Variants in NUDCD3 observed in about 807,000 individuals in gnomAD.
NUDCD3 encodes NudC domain containing 3.
NUDCD3 carries 13 observed loss-of-function variants against 39.7 expected under a neutral mutation model. The observed-to-expected ratio is 0.33, with a 90% CI of 0.21 to 0.52. NUDCD3 has a LOEUF of 0.52. Ranked by LOEUF, NUDCD3 falls within the 20% of genes least tolerant of loss-of-function variation. NUDCD3 has a pLI of 0.96. For synonymous variants in NUDCD3, 175 were observed against 172.4 expected (o/e 1.02, Z -0.12); for missense variants, 453 against 458.1 (o/e 0.99, Z 0.10).
At chr7:44,388,260 G>A (rs184134631) in intron 5 of NUDCD3, among the ~76,000 whole-genome samples, 1 of 152,338 alleles carries the variant, frequency 6.6e-6, no homozygotes, top group East Asian at 1.9e-4. Flanking sequence ...GACGTGAACG[G>A]CAGATGGAGG....
rs1280496408 is a variant in NUDCD3, at chr7:44,384,833, CAGGCCTG to C, written c.*1171_*1177del. 2 of 152,262 alleles carry C rather than the reference CAGGCCTG, an allele frequency of 1.3e-5. No homozygotes were observed. The highest frequency in any genetic ancestry group is 2.4e-5 in the African/African-American group (1 of 41,472). 9.4% of individuals were successfully genotyped at this position (152,262 alleles called of 1,614,324 possible). ...AGAGCCCCTGTGAGTACTTGGAACA[CAGGCCTG>C]AGGACCTGTCTCATAATCTCGTCTT... On this transcript the variant is annotated 3_prime_UTR_variant, in exon 6 of 6. Transcript: ENST00000355451.
intron 3 of NUDCD3, among the ~76,000 whole-genome samples, chr7:44,405,038 A>G (rs1798793011): frequency 6.6e-6 from 1 of 152,180 alleles, no homozygotes; most frequent in Non-Finnish European, 1.5e-5. Flanking sequence ...TCACCCCAGG[A>G]CTGCTGTACA....
intron 2 of NUDCD3, among the ~76,000 whole-genome samples, chr7:44,463,581 A>G (rs1800059390): frequency 6.6e-6 from 1 of 152,200 alleles, no homozygotes; most frequent in African/African-American, 2.4e-5. Flanking sequence ...GAGTTAGTAA[A>G]GACACAAGAC....
At chr7:44,388,361 G>C (rs1300380806) in intron 5 of NUDCD3, among the ~76,000 whole-genome samples, 4 of 152,206 alleles carry the variant, frequency 2.6e-5, no homozygotes, top group African/African-American at 9.7e-5. Context: ...TAACTCTCAC[G>C]ATAGTCTCTC....
chr7:44,421,327 C>T (rs1204512627), intron 3 of NUDCD3, among the ~76,000 whole-genome samples: 11 of 90,528 alleles, frequency 1.2e-4, no homozygotes, highest in Admixed American at 2.5e-4. Flanking sequence ...AGCAAGACTC[C>T]GTCTAAAAAA....
chr7:44,462,740 A>C (rs1800040458), intron 2 of NUDCD3, among the ~76,000 whole-genome samples: 1 of 152,200 alleles, frequency 6.6e-6, no homozygotes, highest in Admixed American at 6.5e-5. Flanking sequence ...AAGCTGTTTA[A>C]CATTCTTCTG....
intron 3 of NUDCD3, among the ~76,000 whole-genome samples, chr7:44,406,865 G>C (rs1271848533): frequency 3.3e-5 from 5 of 152,188 alleles, no homozygotes; most frequent in Non-Finnish European, 7.3e-5. Flanking sequence ...AAATCCTATA[G>C]GGTAGGAGAC....
At chr7:44,389,090 C>G (rs1798459460) in intron 5 of NUDCD3, among the ~76,000 whole-genome samples, 1 of 152,258 alleles carries the variant, frequency 6.6e-6, no homozygotes, top group African/African-American at 2.4e-5. Flanking sequence ...AAGAGGACAC[C>G]AACAGGATGA....
At chr7:44,454,293 C>G (rs967696525) in intron 2 of NUDCD3, among the ~76,000 whole-genome samples, 10 of 152,148 alleles carry the variant, frequency 6.6e-5, no homozygotes, top group African/African-American at 2.4e-4. Flanking sequence ...GAGCTGAGAT[C>G]GAGCCACTGC....
In NUDCD3 at chr7:44,424,974, G is replaced by A. The variant is rs1043683560; in HGVS notation, c.642+2597C>T. 3.9e-5 allele frequency among the ~76,000 whole-genome samples: 6 copies of A among 152,160 alleles called. 1 individual carries two copies. Among genetic ancestry groups the A allele is most frequent in the Non-Finnish European group, 8.8e-5 (6 of 68,026 alleles). On this transcript the variant is annotated intron_variant, in intron 3 of 5. Transcript: ENST00000355451. The stretch of plus-strand genomic sequence containing the variant: ...ATACTATGCAGCCATAAAAAAGAAT[G>A]AGTTCATGTCCTTTGCAGGTACATG...
chr7:44,467,931 T>C (rs368570120), intron 2 of NUDCD3: 45 of 1,607,886 alleles, frequency 2.8e-5, no homozygotes, highest in African/African-American at 1.2e-4. Flanking sequence ...AAGCCCAAGA[T>C]CGTCAAAAAG....
chr7:44,431,331 G>C lies in NUDCD3; in HGVS notation c.510-3628C>G, dbSNP rs567124522. Reference sequence around the variant, plus strand: ...TGCAGCTCCCACTCCTGATGAGCTGGGATAACAAGGTTCTAAATGTGTTAA... The same window carrying C: ...TGCAGCTCCCACTCCTGATGAGCTGCGATAACAAGGTTCTAAATGTGTTAA... On this transcript the variant is annotated intron_variant, in intron 2 of 5. Coordinates refer to ENST00000355451, the MANE Select transcript of NUDCD3 (RefSeq NM_015332.4). 2.0e-5 allele frequency among the ~76,000 whole-genome samples: 3 copies of C among 152,254 alleles called. No homozygotes were observed. The East Asian group carries it at 5.8e-4, about 29-fold the overall frequency.
At chr7:44,434,559 C>A (rs1799430432) in intron 2 of NUDCD3, among the ~76,000 whole-genome samples, 1 of 152,150 alleles carries the variant, frequency 6.6e-6, no homozygotes. Flanking sequence ...GGATGTGACC[C>A]CCCCGCCCCG....
At chr7:44,443,358 C>T (rs1185339605) in intron 2 of NUDCD3, among the ~76,000 whole-genome samples, 1 of 152,120 alleles carries the variant, frequency 6.6e-6, no homozygotes, top group Non-Finnish European at 1.5e-5. Context: ...TTCAAGTAGC[C>T]AAAGTCTGAA....
chr7:44,392,863 C>G (rs1172095703), intron 4 of NUDCD3, among the ~76,000 whole-genome samples: 1 of 152,130 alleles, frequency 6.6e-6, no homozygotes, highest in East Asian at 1.9e-4. Context: ...CCCCCCCACA[C>G]CAGGACCTGT....
chr7:44,474,020 G>A (rs1800308838), intron 2 of NUDCD3, among the ~76,000 whole-genome samples: 1 of 152,096 alleles, frequency 6.6e-6, no homozygotes, highest in Non-Finnish European at 1.5e-5. Flanking sequence ...ATGATACAAG[G>A]CAGAATTTGT....
intron 2 of NUDCD3, among the ~76,000 whole-genome samples, chr7:44,469,392 A>G (rs777820216): frequency 1.3e-5 from 2 of 152,228 alleles, no homozygotes; most frequent in Non-Finnish European, 2.9e-5. Flanking sequence ...TAAATTTGTT[A>G]TAATTTTGTC....
At chr7:44,441,035 T>A (rs577095726) in intron 2 of NUDCD3, among the ~76,000 whole-genome samples, 1 of 152,230 alleles carries the variant, frequency 6.6e-6, no homozygotes, top group Non-Finnish European at 1.5e-5. Flanking sequence ...TCCCACCAAC[T>A]TTGAAAAGCA....
chr7:44,409,310 A>G (rs562814212), intron 3 of NUDCD3, among the ~76,000 whole-genome samples: 1 of 152,318 alleles, frequency 6.6e-6, no homozygotes, highest in African/African-American at 2.4e-5. Flanking sequence ...AAGCCCCTCG[A>G]CAAAAACAGG....
Sources: allele counts gnomAD v4.1 joint callset (sites outside exome capture counted in the v4.1 genomes callset), GRCh38; gene constraint gnomAD v4.1.1; transcripts MANE v1.5; gene names NCBI Gene and HGNC (gene_info 2026-07-23, HGNC 2026-07-21).